The following MTCL1 variants were observed in gnomAD, a reference collection of about 807,000 sequenced individuals.
MTCL1 encodes microtubule crosslinking factor 1.
MTCL1 carries 79 observed loss-of-function variants against 141.4 expected under a neutral mutation model. That is an observed-to-expected ratio of 0.56 (90% confidence interval 0.47 to 0.67). The LOEUF (loss-of-function observed/expected upper bound fraction) is 0.67, where lower values mean the gene tolerates loss of function less well. MTCL1 is among the 30% of genes least tolerant of loss of function. MTCL1 has a pLI of 0.00. For missense variants in MTCL1, 2,177 were observed against 2,113.9 expected, an observed-to-expected ratio of 1.03 and a Z score of -0.59; for synonymous variants, 914 against 875.8, an observed-to-expected ratio of 1.04 and a Z score of -0.77.
intron 8 of MTCL1, among the ~76,000 whole-genome samples, chr18:8,794,313 AG>A (rs978761013): frequency 6.6e-6 from 1 of 152,162 alleles, no homozygotes; most frequent in African/African-American, 2.4e-5. Flanking sequence ...TTCGGATGGT[AG>A]GAGATGTCCT....
intron 13 of MTCL1, among the ~76,000 whole-genome samples, chr18:8,819,864 G>T (rs967106408): frequency 6.6e-6 from 1 of 152,120 alleles, no homozygotes; most frequent in Non-Finnish European, 1.5e-5. Context: ...GTCTGCCTTG[G>T]CTTCCCAAAG....
In MTCL1 at chr18:8,804,155, G is replaced by A. The variant is rs190144683; in HGVS notation, c.2437-2738G>A. ...CTCCCAAACAAATCTACCACAAAAT[G>A]TATGTGATTATTCAGCAAATTCTAT... is the stretch of plus-strand genomic sequence containing the variant. On this transcript the variant is annotated intron_variant, in intron 10 of 16. Coordinates refer to ENST00000359865, the Ensembl canonical transcript of MTCL1. Among the ~76,000 whole-genome samples, 323 of 151,858 alleles carry A rather than the reference G, an allele frequency of 2.1e-3. 4 individuals carry two copies. Among genetic ancestry groups the A allele is most frequent in the Non-Finnish European group, 1.8e-3 (123 of 67,980 alleles).
At chr18:8,722,651 C>T (rs1044502206) in intron 4 of MTCL1, among the ~76,000 whole-genome samples, 2 of 152,096 alleles carry the variant, frequency 1.3e-5, no homozygotes, top group African/African-American at 2.4e-5. Flanking sequence ...TCTTCATGCT[C>T]ATAGTCTTCA....
Position 8,747,171 on chromosome 18 carries a change from G to C in MTCL1, c.357+26675G>C, listed in dbSNP as rs184482553. 3.3e-5 allele frequency among the ~76,000 whole-genome samples: 5 copies of C among 152,340 alleles called. No homozygotes were observed. The East Asian group carries it at 9.7e-4, about 29-fold the overall frequency. On this transcript the variant is annotated intron_variant, in intron 4 of 16. Coordinates refer to ENST00000359865, the Ensembl canonical transcript of MTCL1. ...GACACCACTGGTCCACACAGGTACTGACTCTGTCTTTTCTAGTACGGCTGC... is the reference window on the plus strand; with the variant it reads ...GACACCACTGGTCCACACAGGTACTCACTCTGTCTTTTCTAGTACGGCTGC...
chr18:8,707,803 A>G (rs1302577887), intron 1 of MTCL1, among the ~76,000 whole-genome samples: 1 of 152,148 alleles, frequency 6.6e-6, no homozygotes, highest in East Asian at 1.9e-4. Flanking sequence ...AGTGAGATTG[A>G]GGATTGGGCT....
At chr18:8,725,012 C>T (rs1344905507) in intron 4 of MTCL1, among the ~76,000 whole-genome samples, 1 of 151,478 alleles carries the variant, frequency 6.6e-6, no homozygotes, top group African/African-American at 2.4e-5. Flanking sequence ...TCAACTCTAC[C>T]TATAGTGGAA....
chr18:8,772,505 A>G (rs1308879257), intron 4 of MTCL1, among the ~76,000 whole-genome samples: 2 of 151,870 alleles, frequency 1.3e-5, no homozygotes, highest in Non-Finnish European at 2.9e-5. Flanking sequence ...AATCACTAAT[A>G]ATTCTGTCAC....
At chr18:8,771,367 G>A (rs1222470268) in intron 4 of MTCL1, among the ~76,000 whole-genome samples, 1 of 152,008 alleles carries the variant, frequency 6.6e-6, no homozygotes, top group Non-Finnish European at 1.5e-5. Flanking sequence ...CCTTAATCTG[G>A]TTTTATACCT....
chr18:8,775,471 G>A (rs1193662249), intron 4 of MTCL1, among the ~76,000 whole-genome samples: 3 of 151,966 alleles, frequency 2.0e-5, no homozygotes, highest in African/African-American at 7.3e-5. Context: ...TACTGGGGAG[G>A]CTGAGGCAGG....
chr18:8,817,606 A>T lies in MTCL1; in HGVS notation c.2860-1357A>T, dbSNP rs185546619. On this transcript the variant is annotated intron_variant, in intron 12 of 16. Transcript: ENST00000359865. ...CGTCCAACTTGTGGATGAATGCTCC[A>T]ATTAGGACACAGAGATGCAGTTTGT... Among the ~76,000 whole-genome samples the T allele has an allele frequency of 2.4e-3, 363 of 152,308 alleles. 2 individuals are homozygous for T. The highest frequency in any genetic ancestry group is 7.9e-3 in the African/African-American group (330 of 41,564).
chr18:8,770,410 T>C (rs576641973), intron 4 of MTCL1, among the ~76,000 whole-genome samples: 1 of 152,260 alleles, frequency 6.6e-6, no homozygotes, highest in East Asian at 1.9e-4. Context: ...GAGTCCAGGG[T>C]TGAGTTGGGT....
chr18:8,811,262 C>A (rs1052509493), intron 11 of MTCL1: 1 of 152,198 alleles, frequency 6.6e-6, no homozygotes, highest in Admixed American at 6.5e-5. Flanking sequence ...TACAGGTGGG[C>A]GGAGGTGCCA....
At chr18:8,785,274 C>T (rs1248780267) in intron 6 of MTCL1, among the ~76,000 whole-genome samples, 1 of 152,218 alleles carries the variant, frequency 6.6e-6, no homozygotes, top group Non-Finnish European at 1.5e-5. Flanking sequence ...AGCAGACTCG[C>T]TAACGAGCAC....
chr18:8,747,630 C>CA (rs1245542831), intron 4 of MTCL1, among the ~76,000 whole-genome samples: 5 of 152,182 alleles, frequency 3.3e-5, no homozygotes, highest in Admixed American at 6.5e-5. Context: ...TCTAAACGTG[C>CA]AAAGACTCTG....
At chr18:8,831,684 T>C in exon 17 of MTCL1, 1 of 1,550,554 alleles carries the variant, frequency 6.4e-7, no homozygotes, top group Non-Finnish European at 8.7e-7. Flanking sequence ...ACCGTCGCCC[T>C]CCGTCCCGTT....
At chr18:8,765,654 A>G (rs1476886802) in intron 4 of MTCL1, among the ~76,000 whole-genome samples, 1 of 152,216 alleles carries the variant, frequency 6.6e-6, no homozygotes, top group Non-Finnish European at 1.5e-5. Context: ...CACTCCTCCC[A>G]TGCTTCCTCC....
At chr18:8,715,927 T>C (rs528946313), upstream of MTCL1, among the ~76,000 whole-genome samples, 16 of 152,268 alleles carry the variant, frequency 1.1e-4, no homozygotes, top group African/African-American at 3.6e-4. Flanking sequence ...TCTGGTCCCC[T>C]GAAGAGCCCA....
intron 4 of MTCL1, among the ~76,000 whole-genome samples, chr18:8,737,418 T>C (rs2096279936): frequency 6.6e-6 from 1 of 152,204 alleles, no homozygotes; most frequent in African/African-American, 2.4e-5. Flanking sequence ...CACAGCTGGT[T>C]CCAACAGCTT....
In MTCL1 at chr18:8,786,853, G is replaced by A. The variant is rs561422763; in HGVS notation, c.1887+762G>A. 5 of 158,742 alleles carry A rather than the reference G, an allele frequency of 3.1e-5. No homozygotes were observed. The South Asian group carries it at 9.4e-4, about 30-fold the overall frequency. The allele number at this position is 158,742 out of a possible 1,614,324, so 9.8% of individuals were successfully genotyped here. A position where few individuals can be genotyped will look rare whatever the true frequency, so the allele number is the denominator to read the frequency against. On this transcript the variant is annotated intron_variant, in intron 7 of 16. Transcript: ENST00000359865. ...TGGGGACTGTCAAGGGGGAAAGCGT[G>A]TCACAGCCCGCCTAGTCAGGGGCCC...
Sources: allele counts gnomAD v4.1 joint callset (sites outside exome capture counted in the v4.1 genomes callset), GRCh38; gene constraint gnomAD v4.1.1; transcripts MANE v1.5; gene names NCBI Gene and HGNC (gene_info 2026-07-23, HGNC 2026-07-21).